Variants in CCDC138 observed in about 807,000 individuals in gnomAD.
CCDC138 encodes the protein coiled-coil domain-containing protein 138.
A neutral mutation model predicts 82.3 loss-of-function variants in CCDC138; 66 were observed. The ratio of observed to expected loss-of-function variants is 0.80; its 90% CI spans 0.66 to 0.98. CCDC138 has a LOEUF of 0.98. Ranked by LOEUF, CCDC138 falls within the 50% of genes least tolerant of loss-of-function variation. CCDC138 has a pLI of 0.00. For synonymous variants in CCDC138, 297 were observed against 265.4 expected (o/e 1.12, Z -1.16); for missense variants, 816 against 758.9 (o/e 1.08, Z -0.88).
At chr2:108,788,698 T>A in intron 2 of CCDC138, 154 bp from the exon 3 acceptor site, 1 of 629,042 alleles carries the variant, frequency 1.6e-6, no homozygotes, top group Non-Finnish European at 2.0e-6. Context: ...CCAGCCTGGG[T>A]GACAGAGCGA....
intron 4 of CCDC138, among the ~76,000 whole-genome samples, chr2:108,794,327 G>T (rs1478963301): frequency 6.6e-6 from 1 of 151,850 alleles, no homozygotes; most frequent in Non-Finnish European, 1.5e-5. Context: ...TTACAGAAAA[G>T]TTGCAAAGAT....
At chr2:108,834,462 G>A (rs904082008) in intron 10 of CCDC138, among the ~76,000 whole-genome samples, 7 of 151,944 alleles carry the variant, frequency 4.6e-5, no homozygotes, top group Non-Finnish European at 8.8e-5. Flanking sequence ...TGATCCACAC[G>A]CCTTGGCCTC....
At chr2:108,868,888 GCCTA>G (rs1235281055) in intron 13 of CCDC138, among the ~76,000 whole-genome samples, 1 of 151,996 alleles carries the variant, frequency 6.6e-6, no homozygotes, top group African/African-American at 2.4e-5. Context: ...TCCATGAAGT[GCCTA>G]CCTTTTGTGA....
At chr2:108,878,872 T>C (rs1696196306), downstream of CCDC138, among the ~76,000 whole-genome samples, 1 of 152,140 alleles carries the variant, frequency 6.6e-6, no homozygotes, top group African/African-American at 2.4e-5. Flanking sequence ...AAGAATCCTT[T>C]TGGAAAATAT....
Position 108,822,216 on chromosome 2 carries a change from A to C in CCDC138, c.1206+6111A>C, listed in dbSNP as rs565938916. Among the ~76,000 whole-genome samples, 12 of 152,326 alleles carry C rather than the reference A, an allele frequency of 7.9e-5. No individual in the cohort carries two copies. The East Asian group carries it at 2.3e-3, about 29-fold the overall frequency. ...CAAAAACTGTTACAAGAGACAAAGG[A>C]CACTATATAAATGATAAAAAGGTAA... On this transcript the variant is annotated intron_variant, in intron 10 of 14. Coordinates refer to ENST00000295124, the MANE Select transcript of CCDC138 (RefSeq NM_144978.3).
chr2:108,792,571 G>A (rs1680077529), intron 4 of CCDC138, among the ~76,000 whole-genome samples: 1 of 152,208 alleles, frequency 6.6e-6, no homozygotes, highest in Non-Finnish European at 1.5e-5. Flanking sequence ...AACCTAGACA[G>A]GCAAGTAGAG....
chr2:108,844,748 AT>A (rs558837577), intron 11 of CCDC138, among the ~76,000 whole-genome samples: 10,909 of 136,550 alleles, frequency 0.08, 374 homozygotes, highest in South Asian at 0.14. Flanking sequence ...TACTATCCAC[AT>A]TTTTTTTTTT....
intron 13 of CCDC138, among the ~76,000 whole-genome samples, chr2:108,864,793 CA>C (rs148029306): frequency 0.092 from 11,437 of 124,938 alleles, 718 homozygotes; most frequent in African/African-American, 0.19. Context: ...GACTCCATCT[CA>C]AAAAAAAAAA....
At chr2:108,799,936 C>A (rs1017033725) in intron 6 of CCDC138, among the ~76,000 whole-genome samples, 7 of 151,964 alleles carry the variant, frequency 4.6e-5, no homozygotes, top group Non-Finnish European at 7.4e-5. Context: ...TTTAAAAATT[C>A]TAAAATTTCA....
chr2:108,824,298 G>A (rs1686205109), intron 10 of CCDC138, among the ~76,000 whole-genome samples: 1 of 151,760 alleles, frequency 6.6e-6, no homozygotes, highest in Non-Finnish European at 1.5e-5. Flanking sequence ...CATTGTACAG[G>A]TATACAAAAA....
At chr2:108,828,755 G>A (rs537745066) in intron 10 of CCDC138, among the ~76,000 whole-genome samples, 1 of 152,128 alleles carries the variant, frequency 6.6e-6, no homozygotes, top group African/African-American at 2.4e-5. Flanking sequence ...GAGGTGGACA[G>A]ATCACCAGGT....
intron 12 of CCDC138, among the ~76,000 whole-genome samples, chr2:108,855,195 A>G (rs1442951451): frequency 6.6e-6 from 1 of 152,228 alleles, no homozygotes; most frequent in Non-Finnish European, 1.5e-5. Context: ...AAATGAGGAC[A>G]TAATTTTGAT....
intron 14 of CCDC138, among the ~76,000 whole-genome samples, chr2:108,874,330 A>G (rs1695705714): frequency 6.6e-6 from 1 of 152,150 alleles, no homozygotes; most frequent in Non-Finnish European, 1.5e-5. Flanking sequence ...TTTTATGAGA[A>G]TCATGGGCTT....
intron 2 of CCDC138, 42 bp from the exon 3 acceptor site, chr2:108,788,810 T>C (rs377636047): frequency 1.6e-5 from 25 of 1,612,384 alleles, no homozygotes; most frequent in Non-Finnish European, 2.0e-5. Flanking sequence ...TTTTGTGATA[T>C]ATTGTTGTGG....
intron 11 of CCDC138, among the ~76,000 whole-genome samples, chr2:108,843,324 C>G (rs910166981): frequency 6.6e-6 from 1 of 151,834 alleles, no homozygotes; most frequent in African/African-American, 2.4e-5. Flanking sequence ...TGCCTGTCTA[C>G]TTTTTGTATT....
intron 10 of CCDC138, among the ~76,000 whole-genome samples, chr2:108,817,472 T>C (rs917458131): frequency 2.6e-5 from 4 of 152,048 alleles, no homozygotes; most frequent in Admixed American, 6.6e-5. Context: ...TTTGTATTTT[T>C]AGTAGAGACG....
At chr2:108,840,693 T>A (rs11676667) in intron 11 of CCDC138, among the ~76,000 whole-genome samples, 9,311 of 152,294 alleles carry the variant, frequency 0.061, 431 homozygotes, top group Non-Finnish European at 0.09. Context: ...TATGGATAAT[T>A]TGTGTTTTCT....
chr2:108,857,168 T>TC (rs1458845580), intron 13 of CCDC138, among the ~76,000 whole-genome samples, 198 bp downstream of exon 13: 1 of 125,898 alleles, frequency 7.9e-6, no homozygotes, highest in Non-Finnish European at 1.6e-5. Flanking sequence ...AACCTCTGAC[T>TC]CCCTGGTTCA....
chr2:108,791,304 C>T (rs774489257), intron 3 of CCDC138, among the ~76,000 whole-genome samples: 3 of 152,088 alleles, frequency 2.0e-5, no homozygotes, highest in Non-Finnish European at 4.4e-5. Flanking sequence ...TTATGTCACC[C>T]ATCAGTTATT....
Sources: gnomAD v4.1 joint callset for allele counts (sites outside exome capture counted in the v4.1 genomes callset) on GRCh38, gnomAD v4.1.1 for gene constraint, MANE v1.5 for transcripts, NCBI Gene and HGNC (gene_info 2026-07-23, HGNC 2026-07-21) for gene names.